The following WWC1 variants were observed in gnomAD, a reference collection of about 807,000 sequenced individuals.
WWC1 encodes protein KIBRA.
Under a neutral mutation model 138.4 loss-of-function variants are expected in WWC1, and 55 were observed. The ratio of observed to expected loss-of-function variants is 0.40; its 90% confidence interval spans 0.32 to 0.50. The LOEUF (loss-of-function observed/expected upper bound fraction) is 0.50. Among genes scored for constraint, WWC1 ranks in the 20% least tolerant of loss-of-function variants. WWC1 has a pLI of 0.72. For synonymous variants in WWC1, 524 were observed against 564.9 expected (o/e 0.93, Z 1.03); for missense variants, 1,226 against 1,420.4 (o/e 0.86, Z 2.20).
intron 2 of WWC1, among the ~76,000 whole-genome samples, chr5:168,381,235 G>A (rs1322901382): frequency 6.6e-6 from 1 of 152,152 alleles, no homozygotes; most frequent in African/African-American, 2.4e-5. Context: ...CAGACCTTCA[G>A]GTAAGGGTCT....
At chr5:168,421,932 T>C (rs1781118991) in intron 9 of WWC1, 76 bp from the exon 10 acceptor site, 22 of 1,269,678 alleles carry the variant, frequency 1.7e-5, no homozygotes, top group Non-Finnish European at 2.5e-5. Context: ...TGCCTGTGGG[T>C]CTGGGTGTAC....
At chr5:168,345,557 A>G (rs1054683412) in intron 1 of WWC1, among the ~76,000 whole-genome samples, 1 of 152,188 alleles carries the variant, frequency 6.6e-6, no homozygotes, top group Admixed American at 6.5e-5. Context: ...TGCCTCTTTT[A>G]GAATATTAGT....
Position 168,408,490 on chromosome 5 carries a change from G to GCT in WWC1, c.721-13_721-12dup. The GCT allele has an allele frequency of 2.5e-6, 4 of 1,613,436 alleles. No homozygotes were observed. Among genetic ancestry groups the GCT allele is most frequent in the Non-Finnish European group, 3.4e-6 (4 of 1,179,656 alleles). ...CCTGGGAAGGCGCATCACTAACCCT[G>GCT]CTCTCCCCTCCTTCAGAGCCTTGCC... On this transcript the variant is annotated splice_polypyrimidine_tract_variant and intron_variant, in intron 6 of 22. Transcript: ENST00000265293.
At chr5:168,354,651 C>G (rs1775254771) in intron 1 of WWC1, among the ~76,000 whole-genome samples, 1 of 152,174 alleles carries the variant, frequency 6.6e-6, no homozygotes, top group Non-Finnish European at 1.5e-5. Flanking sequence ...ACTTGCCAGT[C>G]TAGACATCTG....
At chr5:168,376,853 T>G (rs1777214844) in intron 2 of WWC1, among the ~76,000 whole-genome samples, 1 of 152,226 alleles carries the variant, frequency 6.6e-6, no homozygotes. Flanking sequence ...ATGGCCATAC[T>G]GCATAAAGCA....
At position 168,430,240 on chromosome 5, in the gene WWC1, A is replaced by G. The variant is rs768404291; in HGVS notation, c.2087+17A>G. On this transcript the variant is annotated intron_variant, in intron 14 of 22. Transcript: ENST00000265293. ...CCAGAAAGTGTGAGTATGTAGCTGG[A>G]CAGGTGTATTTCATACCCTAACCCT... 2.5e-6 allele frequency: 4 copies of G among 1,608,208 alleles called. No individual in the cohort carries two copies. Among genetic ancestry groups the G allele is most frequent in the Middle Eastern group, 3.3e-4 (2 of 6,016 alleles).
chr5:168,430,795 C>G (rs79310425), intron 14 of WWC1, among the ~76,000 whole-genome samples: 3 of 152,134 alleles, frequency 2.0e-5, no homozygotes, highest in African/African-American at 2.4e-5. Flanking sequence ...TTTCTCTGAT[C>G]GTAAGGCCTG....
intron 4 of WWC1, among the ~76,000 whole-genome samples, chr5:168,398,046 G>C (rs1314120972): frequency 6.6e-6 from 1 of 151,980 alleles, no homozygotes; most frequent in Non-Finnish European, 1.5e-5. Flanking sequence ...ATTATCTCGT[G>C]TCTATGAAGT....
intron 13 of WWC1, among the ~76,000 whole-genome samples, chr5:168,429,697 G>T (rs1781791613): frequency 6.6e-6 from 1 of 151,384 alleles, no homozygotes; most frequent in Non-Finnish European, 1.5e-5. Flanking sequence ...ACTTTGGGAG[G>T]CTGAGGCAGA....
intron 11 of WWC1, among the ~76,000 whole-genome samples, chr5:168,426,734 C>T (rs1177061746): frequency 1.3e-5 from 2 of 152,218 alleles, no homozygotes; most frequent in Admixed American, 1.3e-4. Context: ...TGTCACCCAT[C>T]GCCGTCCCCG....
chr5:168,385,870 C>T (rs921255742), intron 3 of WWC1, among the ~76,000 whole-genome samples: 1 of 152,140 alleles, frequency 6.6e-6, no homozygotes, highest in Non-Finnish European at 1.5e-5. Flanking sequence ...AATTTCAAAA[C>T]AATCAAATGC....
In WWC1 at chr5:168,423,719, G is replaced by A. The variant is rs780810335; in HGVS notation, c.1461G>A (p.Glu487=). ...GCAAGGTGGAGTTCCTGCTCCTGGA[G>A]GGGGCCACCGGCTTCCGGCCCTCAG... The part of the protein sequence containing the change: ...LQSKVEFLLL[E]GATGFRPSGC... Residue 487 remains glutamate, a synonymous_variant, in exon 11 of 23, where the codon GAG becomes GAA. Transcript: ENST00000265293. 2.5e-6 allele frequency: 4 copies of A among 1,614,042 alleles called. No individual in the cohort carries two copies. Among genetic ancestry groups the A allele is most frequent in the South Asian group, 2.2e-5 (2 of 91,068 alleles).
intron 8 of WWC1, chr5:168,410,202 A>T (rs780797027): frequency 1.8e-6 from 1 of 553,206 alleles, no homozygotes; most frequent in Non-Finnish European, 3.2e-6. Context: ...CAAGACAGAG[A>T]GTGAAACTAT....
Position 168,384,273 on chromosome 5 carries a change from AG to A in WWC1, c.230-937del, listed in dbSNP as rs548343911. Among the ~76,000 whole-genome samples the A allele has an allele frequency of 7.2e-4, 109 of 152,358 alleles. 1 individual carries two copies. The highest frequency in any genetic ancestry group is 5.9e-3 in the Admixed American group (91 of 15,302). On this transcript the variant is annotated intron_variant, in intron 2 of 22. Transcript: ENST00000265293. ...TCTATAAGGTTCGTGTAAGGATTTAAGAAGTGAACATATGTAAAGTTCTTAG... is the reference window on the plus strand; with the variant it reads ...TCTATAAGGTTCGTGTAAGGATTTAAAAGTGAACATATGTAAAGTTCTTAG...
At chr5:168,460,932 G>T (rs900829205) in intron 20 of WWC1, among the ~76,000 whole-genome samples, 190 bp downstream of exon 20, 3 of 152,194 alleles carry the variant, frequency 2.0e-5, no homozygotes, top group Admixed American at 6.5e-5. Context: ...ACAGGGGAAG[G>T]TGCTGAAGGG....
intron 1 of WWC1, among the ~76,000 whole-genome samples, chr5:168,312,558 C>A (rs1252110551): frequency 1.3e-5 from 2 of 152,222 alleles, no homozygotes; most frequent in Non-Finnish European, 2.9e-5. Context: ...ATCATAAATG[C>A]TTTAAAATGT....
At chr5:168,402,883 C>T (rs991582440) in intron 5 of WWC1, among the ~76,000 whole-genome samples, 1 of 152,110 alleles carries the variant, frequency 6.6e-6, no homozygotes, top group East Asian at 1.9e-4. Context: ...CTGTGCCTAC[C>T]CTGCGGCAGA....
chr5:168,306,515 C>G lies in WWC1; in HGVS notation c.119+14244C>G, dbSNP rs369246757. On this transcript the variant is annotated intron_variant, in intron 1 of 22. Transcript: ENST00000265293. The stretch of plus-strand genomic sequence containing the variant: ...GGGTGAAGAATCAAAGATATTTGGG[C>G]TCCTTTTGCCATAATGTGAAAATCT... 3.9e-5 allele frequency among the ~76,000 whole-genome samples: 6 copies of G among 152,200 alleles called. No individual in the cohort carries two copies. The East Asian group carries it at 1.2e-3, about 29-fold the overall frequency.
intron 15 of WWC1, among the ~76,000 whole-genome samples, chr5:168,435,756 T>A (rs1782298755): frequency 6.6e-6 from 1 of 152,158 alleles, no homozygotes; most frequent in Non-Finnish European, 1.5e-5. Context: ...ACTACATTGT[T>A]TCTTTCCCTT....
Sources: allele counts gnomAD v4.1 joint callset (sites outside exome capture counted in the v4.1 genomes callset), GRCh38; gene constraint gnomAD v4.1.1; transcripts MANE v1.5; gene names NCBI Gene and HGNC (gene_info 2026-07-23, HGNC 2026-07-21).